The following NKAIN2 variants were observed in gnomAD, a reference collection of about 807,000 sequenced individuals.
NKAIN2 encodes the protein sodium/potassium transporting ATPase interacting 2.
Under a neutral mutation model 32.6 loss-of-function variants are expected in NKAIN2, and 14 were observed. The ratio of observed to expected loss-of-function variants is 0.43; its 90% CI spans 0.28 to 0.67. The LOEUF (loss-of-function observed/expected upper bound fraction) is 0.67, where lower values mean the gene tolerates loss of function less well. NKAIN2 is among the 30% of genes least tolerant of loss of function. The pLI is 0.17. For missense variants in NKAIN2, 198 were observed against 258.3 expected (o/e 0.77, Z 1.60); for synonymous variants, 80 against 87.2 (o/e 0.92, Z 0.46).
chr6:124,133,479 C>T (rs1048240121), intron 1 of NKAIN2, among the ~76,000 whole-genome samples: 6 of 152,154 alleles, frequency 3.9e-5, no homozygotes, highest in African/African-American at 1.2e-4. Context: ...ACTGGGACCT[C>T]GGCCCACTGT....
At chr6:124,077,375 G>A (rs550159797) in intron 1 of NKAIN2, among the ~76,000 whole-genome samples, 1 of 152,172 alleles carries the variant, frequency 6.6e-6, no homozygotes, top group South Asian at 2.1e-4. Context: ...CTCTGTATGA[G>A]CTGCTGTTAG....
chr6:124,085,169 A>G (rs1043848781), intron 1 of NKAIN2, among the ~76,000 whole-genome samples: 1 of 152,058 alleles, frequency 6.6e-6, no homozygotes, highest in African/African-American at 2.4e-5. Context: ...ATCTCAGCAA[A>G]TTATTTTATG....
intron 1 of NKAIN2, among the ~76,000 whole-genome samples, chr6:124,030,537 A>T (rs1413654952): frequency 6.6e-6 from 1 of 152,154 alleles, no homozygotes; most frequent in African/African-American, 2.4e-5. Context: ...GGTGTACAAG[A>T]TGTTATATAT....
At chr6:124,035,539 G>A (rs1330296978) in intron 1 of NKAIN2, among the ~76,000 whole-genome samples, 1 of 151,950 alleles carries the variant, frequency 6.6e-6, no homozygotes, top group Non-Finnish European at 1.5e-5. Context: ...TTATTTCCCA[G>A]CCACTCCACT....
intron 1 of NKAIN2, among the ~76,000 whole-genome samples, chr6:124,004,003 G>T (rs958311602): frequency 2.0e-5 from 3 of 152,152 alleles, no homozygotes; most frequent in African/African-American, 7.2e-5. Context: ...GAGAACATTT[G>T]GATTTTTGTG....
At position 124,656,394 on chromosome 6, in the gene NKAIN2, G is replaced by A. The variant is rs148371805; in HGVS notation, c.274-1792G>A. Among the ~76,000 whole-genome samples the A allele has an allele frequency of 5.4e-3, 811 of 151,154 alleles. 2 individuals carry two copies. Among genetic ancestry groups the A allele is most frequent in the Middle Eastern group, 0.023 (6 of 264 alleles). ...AGTTGTATGCTTTGTGTTTCACTTC[G>A]ATCTTTACTAACTAACCCCATCCCT... On this transcript the variant is annotated intron_variant, in intron 3 of 6. Coordinates refer to ENST00000368417, the MANE Select transcript of NKAIN2 (RefSeq NM_001040214.3).
At chr6:124,416,124 A>C (rs889622210) in intron 3 of NKAIN2, among the ~76,000 whole-genome samples, 2 of 152,154 alleles carry the variant, frequency 1.3e-5, no homozygotes, top group African/African-American at 4.8e-5. Flanking sequence ...ACAAACAAGC[A>C]TAAGAAAACC....
rs1328078202 is a variant in NKAIN2, at chr6:124,502,473, G to A, written c.273+147126G>A. Among the ~76,000 whole-genome samples the A allele has an allele frequency of 2.0e-5, 3 of 152,080 alleles. No homozygotes were observed. The East Asian group carries it at 5.8e-4, about 29-fold the overall frequency. ...TCCACACATACTTTGTGTATTTTAA[G>A]GGAAATATATGTATATGCAAATCTC... On this transcript the variant is annotated intron_variant, in intron 3 of 6. Coordinates refer to ENST00000368417, the MANE Select transcript of NKAIN2 (RefSeq NM_001040214.3).
chr6:123,808,850 T>A (rs1008006576), intron 1 of NKAIN2, among the ~76,000 whole-genome samples: 2 of 152,230 alleles, frequency 1.3e-5, no homozygotes, highest in African/African-American at 2.4e-5. Flanking sequence ...AGAGTGGAAG[T>A]CAGGGATTCC....
At chr6:124,393,021 A>G (rs1259862208) in intron 3 of NKAIN2, among the ~76,000 whole-genome samples, 1 of 152,152 alleles carries the variant, frequency 6.6e-6, no homozygotes, top group Admixed American at 6.5e-5. Context: ...AAATAAATAC[A>G]TAAATACAGT....
chr6:124,127,444 A>G (rs1786228920), intron 1 of NKAIN2, among the ~76,000 whole-genome samples: 2 of 152,240 alleles, frequency 1.3e-5, no homozygotes, highest in Admixed American at 6.5e-5. Context: ...TAGAATAGTC[A>G]CATGGAAATA....
intron 3 of NKAIN2, among the ~76,000 whole-genome samples, chr6:124,441,136 G>C (rs1413184545): frequency 6.6e-6 from 1 of 152,052 alleles, no homozygotes; most frequent in Non-Finnish European, 1.5e-5. Flanking sequence ...TGAATCTCAT[G>C]ATTCACACAC....
chr6:124,050,555 T>C (rs1217410588), intron 1 of NKAIN2, among the ~76,000 whole-genome samples: 1 of 151,980 alleles, frequency 6.6e-6, no homozygotes, highest in Non-Finnish European at 1.5e-5. Flanking sequence ...ATAACTCTAT[T>C]GTACAAAAAG....
At chr6:124,040,393 T>A (rs1031948837) in intron 1 of NKAIN2, among the ~76,000 whole-genome samples, 38 of 151,976 alleles carry the variant, frequency 2.5e-4, no homozygotes, top group African/African-American at 8.9e-4. Flanking sequence ...TCATTCTTAT[T>A]TGTGTATTAA....
chr6:124,805,483 C>G (rs946538096), intron 5 of NKAIN2, among the ~76,000 whole-genome samples: 6 of 152,118 alleles, frequency 3.9e-5, no homozygotes, highest in Admixed American at 3.3e-4. Flanking sequence ...ACACCAAAAA[C>G]CCATCTGTAC....
chr6:124,486,599 T>A (rs2114713512), intron 3 of NKAIN2, among the ~76,000 whole-genome samples: 1 of 152,320 alleles, frequency 6.6e-6, no homozygotes, highest in Non-Finnish European at 1.5e-5. Context: ...ATTCTTAATA[T>A]TGTCTAATAG....
At chr6:124,048,603 A>T (rs17086536) in intron 1 of NKAIN2, among the ~76,000 whole-genome samples, 1 of 151,688 alleles carries the variant, frequency 6.6e-6, no homozygotes, top group Non-Finnish European at 1.5e-5. Context: ...AGAATATGCC[A>T]GCATCTACAC....
At chr6:124,423,657 A>G (rs75422532) in intron 3 of NKAIN2, among the ~76,000 whole-genome samples, 10,418 of 152,270 alleles carry the variant, frequency 0.068, 1,066 homozygotes, top group African/African-American at 0.22. Flanking sequence ...CAGAGCCCTC[A>G]TGGATGGGAT....
At chr6:124,812,966 G>T (rs1780970538) in intron 5 of NKAIN2, among the ~76,000 whole-genome samples, 1 of 151,842 alleles carries the variant, frequency 6.6e-6, no homozygotes, top group Non-Finnish European at 1.5e-5. Flanking sequence ...TTTCTGTTAA[G>T]CATTGAAATT....
Sources: gnomAD v4.1 joint callset for allele counts (sites outside exome capture counted in the v4.1 genomes callset) on GRCh38, gnomAD v4.1.1 for gene constraint, MANE v1.5 for transcripts, NCBI Gene and HGNC (gene_info 2026-07-23, HGNC 2026-07-21) for gene names.